ANKRD44: variants seen among roughly 807,000 people sequenced by gnomAD.
The protein encoded by ANKRD44 is serine/threonine-protein phosphatase 6 regulatory ankyrin repeat subunit B.
ANKRD44 carries 35 observed loss-of-function variants against 116.0 expected under a neutral mutation model. The ratio of observed to expected loss-of-function variants is 0.30; its 90% CI spans 0.23 to 0.40. The LOEUF is 0.40. Ranked by LOEUF, ANKRD44 falls within the 10% of genes least tolerant of loss-of-function variation. The probability of loss-of-function intolerance (pLI) is 1.00; values close to 1 mark genes in which losing one functional copy is unlikely to be tolerated. For missense variants in ANKRD44, 1,014 were observed against 1,242.6 expected (o/e 0.82, Z 2.77); for synonymous variants, 435 against 461.8 (o/e 0.94, Z 0.74).
intron 2 of ANKRD44, among the ~76,000 whole-genome samples, chr2:197,180,768 TATTAAA>T (rs1456919670): frequency 3.3e-5 from 5 of 152,158 alleles, no homozygotes; most frequent in African/African-American, 4.8e-5. Flanking sequence ...TTAAAGAAGA[TATTAAA>T]TTGATCATCC....
chr2:197,257,436 A>T (rs893454569), intron 1 of ANKRD44, among the ~76,000 whole-genome samples: 2 of 151,384 alleles, frequency 1.3e-5, no homozygotes, highest in African/African-American at 4.9e-5. Context: ...TTTAGTGATT[A>T]TTATAAAACT....
At chr2:197,183,616 A>G (rs574576131) in intron 2 of ANKRD44, among the ~76,000 whole-genome samples, 1 of 152,320 alleles carries the variant, frequency 6.6e-6, no homozygotes, top group South Asian at 2.1e-4. Context: ...GACATGCTGG[A>G]TAAGTGTGGG....
At chr2:197,027,405 T>C (rs775092085) in intron 16 of ANKRD44, among the ~76,000 whole-genome samples, 1 of 151,850 alleles carries the variant, frequency 6.6e-6, no homozygotes, top group African/African-American at 2.4e-5. Flanking sequence ...GGATACATGG[T>C]TTTGGAGCTC....
intron 16 of ANKRD44, among the ~76,000 whole-genome samples, chr2:197,043,742 T>C (rs2076952892): frequency 6.6e-6 from 1 of 152,008 alleles, no homozygotes; most frequent in African/African-American, 2.4e-5. Context: ...GACAACAGCA[T>C]GGTTGTCAAA....
intron 2 of ANKRD44, among the ~76,000 whole-genome samples, chr2:197,168,302 T>C (rs887818071): frequency 2.6e-5 from 4 of 152,176 alleles, no homozygotes; most frequent in Non-Finnish European, 5.9e-5. Context: ...AACTTTGGGG[T>C]GGTTTTTATA....
chr2:197,013,937 T>C (rs926065572), intron 17 of ANKRD44, among the ~76,000 whole-genome samples: 1 of 152,246 alleles, frequency 6.6e-6, no homozygotes, highest in African/African-American at 2.4e-5. Flanking sequence ...GTGTTCTTTC[T>C]CTTTTGTCAC....
chr2:197,177,817 C>T (rs10931775), intron 2 of ANKRD44, among the ~76,000 whole-genome samples: 1,749 of 152,232 alleles, frequency 0.011, 17 homozygotes, highest in Admixed American at 0.022. Flanking sequence ...AACTGTTTCA[C>T]TCAAAAATAT....
chr2:197,177,866 T>C (rs2080405068), intron 2 of ANKRD44, among the ~76,000 whole-genome samples: 1 of 152,196 alleles, frequency 6.6e-6, no homozygotes, highest in South Asian at 2.1e-4. Context: ...AATAAATACA[T>C]ATGCAGATAA....
chr2:197,090,090 G>C, intron 10 of ANKRD44, 58 bp from the exon 11 acceptor site: 1 of 1,307,638 alleles, frequency 7.6e-7, no homozygotes, highest in Non-Finnish European at 1.1e-6. Flanking sequence ...ACATGCGGAA[G>C]GACAATTACC....
At chr2:197,225,889 A>G (rs2081699924) in intron 1 of ANKRD44, among the ~76,000 whole-genome samples, 1 of 152,264 alleles carries the variant, frequency 6.6e-6, no homozygotes, top group South Asian at 2.1e-4. Context: ...AAATTCTCCT[A>G]GCATAAACTT....
At chr2:197,008,324 A>T (rs1220115955) in intron 19 of ANKRD44, among the ~76,000 whole-genome samples, 2 of 152,134 alleles carry the variant, frequency 1.3e-5, no homozygotes, top group African/African-American at 4.8e-5. Flanking sequence ...TAAAGATTTC[A>T]TTTACACAAA....
intron 2 of ANKRD44, among the ~76,000 whole-genome samples, chr2:197,176,417 C>T (rs886301587): frequency 9.9e-5 from 15 of 152,142 alleles, no homozygotes; most frequent in Admixed American, 2.0e-4. Context: ...CATTATAGAA[C>T]TGAGGCCAGA....
At position 197,078,894 on chromosome 2, in the gene ANKRD44, C is replaced by T. The variant is rs574275186; in HGVS notation, c.1539-80G>A. Reference sequence around the variant, plus strand: ...ATAATTTATGTAAATCCTCCTATTACGAACGTTCCATGAAGTACTTTATGA... The same window carrying T: ...ATAATTTATGTAAATCCTCCTATTATGAACGTTCCATGAAGTACTTTATGA... On this transcript the variant is annotated intron_variant, in intron 15 of 27. Transcript: ENST00000282272. 3.6e-5 allele frequency: 50 copies of T among 1,407,620 alleles called. 1 individual carries two copies. In the African/African-American group the frequency reaches 4.9e-4, roughly 14 times the overall value. The allele number at this position is 1,407,620 out of a possible 1,614,324, so 87.2% of individuals were successfully genotyped here.
chr2:197,227,823 C>T (rs1320320051), intron 1 of ANKRD44, among the ~76,000 whole-genome samples: 1 of 152,170 alleles, frequency 6.6e-6, no homozygotes, highest in East Asian at 1.9e-4. Context: ...CCTAACCTGA[C>T]TGCCCCATGG....
chr2:197,022,775 G>A (rs904150477), intron 17 of ANKRD44, among the ~76,000 whole-genome samples: 2 of 152,158 alleles, frequency 1.3e-5, no homozygotes, highest in East Asian at 3.9e-4. Flanking sequence ...AAGACAGGAG[G>A]ATCACTTGAG....
intron 16 of ANKRD44, among the ~76,000 whole-genome samples, chr2:197,063,821 G>C (rs752726711): frequency 6.6e-6 from 1 of 152,202 alleles, no homozygotes; most frequent in Non-Finnish European, 1.5e-5. Flanking sequence ...CCAAATCTAC[G>C]TCTGATTGGT....
Position 196,989,541 on chromosome 2 carries a change from C to T in ANKRD44, c.*50G>A, listed in dbSNP as rs944278200. ...ACACACACATATATATATATATACA[C>T]ACGCACACATATATGTGTGCATGTG... On this transcript the variant is annotated 3_prime_UTR_variant, in exon 28 of 28. Coordinates refer to ENST00000282272, the MANE Select transcript of ANKRD44 (RefSeq NM_001195144.2). 6.5e-7 allele frequency: 1 copy of T among 1,539,700 alleles called. No homozygotes were observed. Among genetic ancestry groups the T allele is most frequent in the Admixed American group, 2.0e-5 (1 of 50,396 alleles).
chr2:197,131,579 A>G (rs2079098554), intron 4 of ANKRD44, among the ~76,000 whole-genome samples: 1 of 152,148 alleles, frequency 6.6e-6, no homozygotes, highest in African/African-American at 2.4e-5. Context: ...AGATACAACC[A>G]TTTTTAACTT....
At chr2:197,256,917 G>A (rs2082463171) in intron 1 of ANKRD44, among the ~76,000 whole-genome samples, 1 of 152,078 alleles carries the variant, frequency 6.6e-6, no homozygotes, top group Non-Finnish European at 1.5e-5. Flanking sequence ...CAAAGACCAA[G>A]TCTATAAAGA....
Sources: allele counts gnomAD v4.1 joint callset (sites outside exome capture counted in the v4.1 genomes callset), GRCh38; gene constraint gnomAD v4.1.1; transcripts MANE v1.5; gene names NCBI Gene and HGNC (gene_info 2026-07-23, HGNC 2026-07-21).